Variants in PCNT observed in about 807,000 individuals in gnomAD.
The protein encoded by PCNT is pericentrin, also known as kendrin.
PCNT carries 319 observed loss-of-function variants against 380.4 expected under a neutral mutation model. The observed-to-expected ratio is 0.84, with a 90% CI of 0.77 to 0.92. PCNT has a LOEUF of 0.92. Among genes scored for constraint, PCNT ranks in the 40% least tolerant of loss-of-function variants. The pLI, the probability that PCNT is intolerant of heterozygous loss-of-function variation, is 0.00. For synonymous variants in PCNT, 1,845 were observed against 1,735.2 expected (o/e 1.06, Z -1.57); for missense variants, 4,400 against 4,255.3 (o/e 1.03, Z -0.95).
chr21:46,437,007 G>A lies in PCNT; in HGVS notation c.9025G>A (p.Glu3009Lys), dbSNP rs1318250278. 1.2e-6 allele frequency: 2 copies of A among 1,614,098 alleles called. No homozygotes were observed. The highest frequency in any genetic ancestry group is 2.2e-5 in the East Asian group (1 of 44,884). ...RTVNDWTSSN[E>K]KAVMSLLHTL... Reference sequence around the variant, plus strand: ...AGTTAATGATTGGACGTCATCCAATGAGAAAGCAGTGATGTCTTTACTGCA... The same window carrying A: ...AGTTAATGATTGGACGTCATCCAATAAGAAAGCAGTGATGTCTTTACTGCA... Residue 3009 changes from glutamate to lysine, a missense_variant, in exon 40 of 47, where the codon GAG becomes AAG. Transcript: ENST00000359568.
intron 2 of PCNT, among the ~76,000 whole-genome samples, chr21:46,328,931 G>A (rs750247523): frequency 1.8e-4 from 27 of 152,074 alleles, no homozygotes; most frequent in Admixed American, 2.6e-4. Flanking sequence ...GCACCACCAT[G>A]GCCGGCTAAT....
At chr21:46,325,404 G>A (rs923661668) in intron 1 of PCNT, among the ~76,000 whole-genome samples, 1 of 152,208 alleles carries the variant, frequency 6.6e-6, no homozygotes, top group African/African-American at 2.4e-5. Context: ...GGGGAGGGAG[G>A]GACAAGACGC....
intron 35 of PCNT, among the ~76,000 whole-genome samples, chr21:46,429,770 A>G (rs543842205): frequency 2.6e-5 from 4 of 152,178 alleles, no homozygotes; most frequent in South Asian, 4.1e-4. Context: ...CCCCAGGGCT[A>G]TATCACTCCT....
chr21:46,440,220 A>G lies in PCNT; in HGVS notation c.9393+18A>G. 6.2e-7 allele frequency: 1 copy of G among 1,613,532 alleles called. No homozygotes were observed. Among genetic ancestry groups the G allele is most frequent in the Non-Finnish European group, 8.5e-7 (1 of 1,179,994 alleles). Reference sequence around the variant, plus strand: ...ATGTCAAGGTAGGAACGGTGCCACGAGTATAGAACTTTGGTGCTTTTTTAA... The same window carrying G: ...ATGTCAAGGTAGGAACGGTGCCACGGGTATAGAACTTTGGTGCTTTTTTAA... On this transcript the variant is annotated intron_variant, in intron 42 of 46. Transcript: ENST00000359568.
chr21:46,324,720 G>A, intron 1 of PCNT: 1 of 238,426 alleles, frequency 4.2e-6, no homozygotes, highest in African/African-American at 2.3e-5. Flanking sequence ...GCGTCCTCCG[G>A]GACCGGGTGG....
chr21:46,418,722 C>G (rs553271552), intron 31 of PCNT, among the ~76,000 whole-genome samples: 48 of 152,376 alleles, frequency 3.2e-4, no homozygotes, highest in Middle Eastern at 3.4e-3. Flanking sequence ...GCCTTGCCTG[C>G]CCACCCTGCC....
chr21:46,398,823 T>C (rs1315043618), intron 24 of PCNT, among the ~76,000 whole-genome samples: 1 of 145,588 alleles, frequency 6.9e-6, no homozygotes, highest in Non-Finnish European at 1.5e-5. Flanking sequence ...TCTTTTTCTT[T>C]TTTTTTTTTT....
chr21:46,358,732 C>T (rs2084572717), intron 13 of PCNT, among the ~76,000 whole-genome samples: 1 of 151,380 alleles, frequency 6.6e-6, no homozygotes, highest in South Asian at 2.1e-4. Flanking sequence ...TCAAGTGATT[C>T]TCTTGCCTCA....
intron 3 of PCNT, among the ~76,000 whole-genome samples, chr21:46,340,414 G>C (rs143691785): frequency 1.1e-3 from 170 of 152,272 alleles, no homozygotes; most frequent in African/African-American, 3.8e-3. Context: ...CCGTAGGCTG[G>C]ATCGTTTTAT....
In PCNT at chr21:46,421,985, T is replaced by C. The variant is rs150704986; in HGVS notation, c.7040T>C (p.Phe2347Ser). ...DRSEKSDGSG[F>S]GARLSPGSGG... ...GTGTTTTTAGGTGACGGCTCGGGTT[T>C]TGGAGCAAGACTGAGCCCGGGGTCA... Residue 2347 changes from phenylalanine to serine, a missense_variant, in exon 32 of 47, where the codon TTT becomes TCT. Coordinates refer to ENST00000359568, the MANE Select transcript of PCNT (RefSeq NM_006031.6). 913 of 1,614,048 alleles carry C rather than the reference T, an allele frequency of 5.7e-4. 6 individuals are homozygous for C. In the African/African-American group the frequency reaches 0.011, roughly 19 times the overall value.
At chr21:46,428,729 C>A in intron 35 of PCNT, 139 bp downstream of exon 35, 1 of 803,304 alleles carries the variant, frequency 1.2e-6, no homozygotes. Context: ...TGGTTGTCAG[C>A]TGATAGGACT....
intron 1 of PCNT, 106 bp from the exon 2 acceptor site, chr21:46,326,271 G>C (rs2083391557): frequency 1.0e-6 from 1 of 1,001,192 alleles, no homozygotes; most frequent in Non-Finnish European, 1.5e-6. Flanking sequence ...AGTAGACTGG[G>C]TCAGCCCTCG....
At chr21:46,384,098 A>G (rs1254074943) in intron 16 of PCNT, among the ~76,000 whole-genome samples, 1 of 145,336 alleles carries the variant, frequency 6.9e-6, no homozygotes, top group Non-Finnish European at 1.5e-5. Flanking sequence ...TTGTATATTC[A>G]GTGGCGGAAG....
At chr21:46,372,335 A>C (rs913007180) in intron 15 of PCNT, among the ~76,000 whole-genome samples, 1 of 151,948 alleles carries the variant, frequency 6.6e-6, no homozygotes, top group Admixed American at 6.6e-5. Context: ...CAACACGTGC[A>C]CACACATGCA....
intron 3 of PCNT, 72 bp downstream of exon 3, chr21:46,334,840 A>C: frequency 1.2e-6 from 2 of 1,609,372 alleles, no homozygotes; most frequent in Non-Finnish European, 1.7e-6. Flanking sequence ...AATCCAAACC[A>C]GTGAGAGGAC....
rs777005278 is a variant in PCNT at position 46,389,376 on chromosome 21, G to A, written c.3785G>A (p.Ser1262Asn). The change falls in exon 19 of 47, where the codon AGC becomes AAC. Residue 1262 changes from serine to asparagine, a missense_variant. Transcript: ENST00000359568. ...CEQPIRRVFQ[S>N]LSLAVDGLME... ...CAGCCCATCCGGAGGGTCTTCCAGA[G>A]CCTCAGCCTGGCCGTGGACGGCCTC... is the stretch of plus-strand genomic sequence containing the variant. 1.2e-5 allele frequency: 20 copies of A among 1,614,230 alleles called. No individual in the cohort carries two copies. The Admixed American group carries it at 3.0e-4, about 24-fold the overall frequency.
intron 16 of PCNT, among the ~76,000 whole-genome samples, chr21:46,382,810 T>TC (rs751728830): frequency 1.1e-4 from 15 of 134,848 alleles, no homozygotes; most frequent in Non-Finnish European, 2.3e-4. Flanking sequence ...CGGTGTGCAT[T>TC]CAGTGGCGGA....
chr21:46,421,842 A>G, intron 31 of PCNT, 128 bp from the exon 32 acceptor site: 1 of 1,026,538 alleles, frequency 9.7e-7, no homozygotes, highest in Non-Finnish European at 1.5e-6. Flanking sequence ...TTTCTCCGTG[A>G]GCAGAATCAC....
chr21:46,443,658 A>C, intron 44 of PCNT, 152 bp from the exon 45 acceptor site: 1 of 776,534 alleles, frequency 1.3e-6, no homozygotes, highest in East Asian at 2.4e-5. Context: ...GCTTTTAAAA[A>C]GATATTGTAC....
Sources: gnomAD v4.1 joint callset for allele counts (sites outside exome capture counted in the v4.1 genomes callset) on GRCh38, gnomAD v4.1.1 for gene constraint, MANE v1.5 for transcripts, NCBI Gene and HGNC (gene_info 2026-07-23, HGNC 2026-07-21) for gene names.